Variants in GRAMD1C observed in about 807,000 individuals in gnomAD.
GRAMD1C encodes GRAM domain containing 1C, also known as protein Aster-C.
Under a neutral mutation model 97.8 loss-of-function variants are expected in GRAMD1C, and 89 were observed. The observed-to-expected ratio is 0.91, with a 90% CI of 0.77 to 1.09. The LOEUF is 1.09. Among genes scored for constraint, GRAMD1C ranks in the 50% least tolerant of loss-of-function variants. The pLI is 0.00. For synonymous variants in GRAMD1C, 256 were observed against 267.0 expected (o/e 0.96, Z 0.40); for missense variants, 740 against 766.4 (o/e 0.97, Z 0.41).
chr3:113,920,108 G>C, intron 10 of GRAMD1C: 1 of 1,359,432 alleles, frequency 7.4e-7, no homozygotes, highest in South Asian at 1.2e-5. Flanking sequence ...ATGAAGAAAA[G>C]CTCCTGAAAA....
chr3:113,917,724 G>A (rs556688585), intron 10 of GRAMD1C, among the ~76,000 whole-genome samples: 5 of 150,288 alleles, frequency 3.3e-5, no homozygotes, highest in Admixed American at 2.0e-4. Context: ...ACAGGGTCTC[G>A]CTCTGTCACC....
chr3:113,849,703 G>C (rs909129091), intron 2 of GRAMD1C, among the ~76,000 whole-genome samples: 4 of 152,186 alleles, frequency 2.6e-5, no homozygotes, highest in African/African-American at 9.7e-5. Context: ...TTTCTACACA[G>C]ACAGGGCAAC....
At chr3:113,853,342 A>G (rs552290476) in intron 2 of GRAMD1C, among the ~76,000 whole-genome samples, 18 of 152,254 alleles carry the variant, frequency 1.2e-4, no homozygotes, top group Non-Finnish European at 2.5e-4. Flanking sequence ...GAAAGAGAGC[A>G]GTTTAAGATG....
At chr3:113,910,947 C>T (rs544572507) in intron 9 of GRAMD1C, among the ~76,000 whole-genome samples, 1 of 152,094 alleles carries the variant, frequency 6.6e-6, no homozygotes, top group Non-Finnish European at 1.5e-5. Flanking sequence ...GCTGCCATAA[C>T]AAAATACTAC....
At position 113,875,576 on chromosome 3, in the gene GRAMD1C, TG is replaced by T; in HGVS notation, c.355del (p.Glu119LysfsTer8). The T allele has an allele frequency of 7.2e-7, 1 of 1,380,840 alleles. No homozygotes were observed. The highest frequency in any genetic ancestry group is 1.4e-5 in the African/African-American group (1 of 71,496). The allele number at this position is 1,380,840 out of a possible 1,614,324, so 85.5% of individuals were successfully genotyped here. A position where few individuals can be genotyped will look rare whatever the true frequency, so the allele number is the denominator to read the frequency against. ...ATGTTTCTATAGCAACATCTTCAGATGGGAAACTACAGTAAGACATTTTGCA... is the reference window on the plus strand; with the variant it reads ...ATGTTTCTATAGCAACATCTTCAGATGGAAACTACAGTAAGACATTTTGCA... Reference protein sequence around the residue: ...WLCFYSNIFRWETTISIALKN... With the variant: ...WLCFYSNIFRXETTISIALKN... On this transcript the variant is annotated frameshift_variant, in exon 4 of 18. Coordinates refer to ENST00000358160, the MANE Select transcript of GRAMD1C (RefSeq NM_017577.5). LOFTEE classifies it high-confidence loss of function.
intron 10 of GRAMD1C, among the ~76,000 whole-genome samples, chr3:113,925,092 G>A (rs149816237): frequency 5.1e-4 from 78 of 152,282 alleles, no homozygotes; most frequent in African/African-American, 1.9e-3. Context: ...AATTAGAATA[G>A]CAATCTCTGC....
chr3:113,904,294 T>A, intron 8 of GRAMD1C, 22 bp downstream of exon 8: 1 of 1,494,928 alleles, frequency 6.7e-7, no homozygotes, highest in Non-Finnish European at 9.3e-7. Context: ...ATATCCCTTT[T>A]AAAATATATC....
chr3:113,907,115 C>A (rs1936400090), intron 8 of GRAMD1C, among the ~76,000 whole-genome samples: 1 of 152,128 alleles, frequency 6.6e-6, no homozygotes, highest in Non-Finnish European at 1.5e-5. Flanking sequence ...TATGACTGTA[C>A]TTAGAATAGT....
At chr3:113,887,115 A>G (rs1169394961) in intron 6 of GRAMD1C, among the ~76,000 whole-genome samples, 2 of 96,696 alleles carry the variant, frequency 2.1e-5, no homozygotes, top group African/African-American at 9.0e-5. Context: ...TTTTTTTGAG[A>G]TAGAGTCTCA....
intron 10 of GRAMD1C, among the ~76,000 whole-genome samples, chr3:113,921,942 C>T (rs1937073484): frequency 6.6e-6 from 1 of 152,058 alleles, no homozygotes; most frequent in African/African-American, 2.4e-5. Context: ...GTTTCTTTTG[C>T]TGTGCAGATA....
In GRAMD1C at chr3:113,936,315, C is replaced by T. The variant is rs1937577050; in HGVS notation, c.1506C>T (p.Asp502=). Residue 502 remains aspartate, a synonymous_variant, in exon 14 of 18, where the codon GAC becomes GAT. Coordinates refer to ENST00000358160, the MANE Select transcript of GRAMD1C (RefSeq NM_017577.5). Reference sequence around the variant, plus strand: ...CTGTATTAAATCAGGCCATTGAAGACCCTGGAAAACTTACTGGCCTACGAA... The same window carrying T: ...CTGTATTAAATCAGGCCATTGAAGATCCTGGAAAACTTACTGGCCTACGAA... ...EESVLNQAIE[D]PGKLTGLRRR... is the part of the protein sequence containing the mutation. 1.2e-6 allele frequency: 2 copies of T among 1,607,634 alleles called. No homozygotes were observed. Among genetic ancestry groups the T allele is most frequent in the Admixed American group, 3.3e-5 (2 of 59,866 alleles).
chr3:113,878,168 G>A (rs1935122215), intron 5 of GRAMD1C, among the ~76,000 whole-genome samples: 1 of 152,146 alleles, frequency 6.6e-6, no homozygotes. Flanking sequence ...AGTATGAACT[G>A]GTGATTTCTT....
intron 2 of GRAMD1C, among the ~76,000 whole-genome samples, chr3:113,848,133 G>A (rs1007449770): frequency 6.6e-6 from 1 of 152,210 alleles, no homozygotes; most frequent in African/African-American, 2.4e-5. Context: ...TTAGAGGGCA[G>A]CATGATATAA....
intron 10 of GRAMD1C, among the ~76,000 whole-genome samples, 161 bp downstream of exon 10, chr3:113,915,999 A>G (rs1157565020): frequency 2.6e-5 from 4 of 152,210 alleles, no homozygotes; most frequent in African/African-American, 9.6e-5. Context: ...TGTTTGGTTA[A>G]ATTCACATGT....
intron 2 of GRAMD1C, among the ~76,000 whole-genome samples, chr3:113,849,398 A>T (rs1056892536): frequency 1.3e-4 from 19 of 151,892 alleles, no homozygotes; most frequent in Non-Finnish European, 2.1e-4. Flanking sequence ...CAGATAAACA[A>T]GTGAACAAAG....
At chr3:113,882,226 G>A (rs984333992) in intron 5 of GRAMD1C, among the ~76,000 whole-genome samples, 6 of 152,104 alleles carry the variant, frequency 3.9e-5, no homozygotes, top group African/African-American at 1.4e-4. Context: ...TGCAGTGTTA[G>A]CATGGGTACT....
At chr3:113,892,198 T>C (rs1314724361) in intron 6 of GRAMD1C, among the ~76,000 whole-genome samples, 1 of 151,986 alleles carries the variant, frequency 6.6e-6, no homozygotes, top group African/African-American at 2.4e-5. Context: ...TTGGGCCAGG[T>C]GCAGTGCTCA....
intron 6 of GRAMD1C, among the ~76,000 whole-genome samples, chr3:113,888,551 T>A (rs554375563): frequency 6.6e-6 from 1 of 152,334 alleles, no homozygotes; most frequent in Non-Finnish European, 1.5e-5. Flanking sequence ...AGGCAATGGA[T>A]ATGTTAATTA....
intron 2 of GRAMD1C, among the ~76,000 whole-genome samples, chr3:113,868,949 A>G (rs1934687927): frequency 6.6e-6 from 1 of 151,878 alleles, no homozygotes; most frequent in South Asian, 2.1e-4. Flanking sequence ...TCCAATTGGT[A>G]CTGGACCCTC....
Sources: gnomAD v4.1 joint callset for allele counts (sites outside exome capture counted in the v4.1 genomes callset) on GRCh38, gnomAD v4.1.1 for gene constraint, MANE v1.5 for transcripts, NCBI Gene and HGNC (gene_info 2026-07-23, HGNC 2026-07-21) for gene names.